PTPRD: variants seen among roughly 807,000 people sequenced by gnomAD.
The protein encoded by PTPRD is protein tyrosine phosphatase receptor type D, also known as receptor-type tyrosine-protein phosphatase delta.
PTPRD carries 34 observed loss-of-function variants against 214.5 expected under a neutral mutation model. That is an observed-to-expected ratio of 0.16 (90% CI 0.12 to 0.21). The LOEUF is 0.21. Among genes scored for constraint, PTPRD ranks in the 10% least tolerant of loss-of-function variants. The pLI is 1.00. For synonymous variants in PTPRD, 1,128 were observed against 845.7 expected (o/e 1.33, Z -5.79); for missense variants, 2,545 against 2,398.7 (o/e 1.06, Z -1.27).
intron 7 of PTPRD, among the ~76,000 whole-genome samples, chr9:9,637,285 T>C (rs1314097419): frequency 6.6e-6 from 1 of 152,168 alleles, no homozygotes; most frequent in African/African-American, 2.4e-5. Context: ...AGTCCAGAGT[T>C]TCATTTAAAT....
chr9:8,480,819 A>G (rs1486907230), intron 30 of PTPRD, among the ~76,000 whole-genome samples: 1 of 151,832 alleles, frequency 6.6e-6, no homozygotes, highest in African/African-American at 2.4e-5. Context: ...TTACACAAAT[A>G]CTCCATTCTC....
intron 3 of PTPRD, among the ~76,000 whole-genome samples, chr9:10,325,214 C>T (rs930242431): frequency 4.0e-5 from 6 of 151,896 alleles, no homozygotes; most frequent in African/African-American, 1.4e-4. Flanking sequence ...TGAGGTGGGC[C>T]TAAGACTCTG....
At chr9:8,989,256 A>G (rs1227081753) in intron 11 of PTPRD, among the ~76,000 whole-genome samples, 3 of 151,970 alleles carry the variant, frequency 2.0e-5, no homozygotes, top group Non-Finnish European at 4.4e-5. Flanking sequence ...GAAATATACA[A>G]CACACTACTT....
chr9:9,709,571 A>G (rs1242797607), intron 7 of PTPRD, among the ~76,000 whole-genome samples: 1 of 152,060 alleles, frequency 6.6e-6, no homozygotes, highest in African/African-American at 2.4e-5. Flanking sequence ...TAAGCAATCT[A>G]TCTTAATACA....
chr9:8,761,723 C>T lies in PTPRD; in HGVS notation c.-103-27777G>A, dbSNP rs1043696927. Among the ~76,000 whole-genome samples, 8 of 151,380 alleles carry T rather than the reference C, an allele frequency of 5.3e-5. No homozygotes were observed. The South Asian group carries it at 8.3e-4, about 16-fold the overall frequency. On this transcript the variant is annotated intron_variant, in intron 11 of 45. Coordinates refer to ENST00000381196, the MANE Select transcript of PTPRD (RefSeq NM_002839.4). ...TGTTAATAATAACCATGGTCAAGGA[C>T]GAGAAATGAAAAGATGTAGGGTCTA...
chr9:8,820,149 G>A (rs2097020979), intron 11 of PTPRD, among the ~76,000 whole-genome samples: 1 of 152,016 alleles, frequency 6.6e-6, no homozygotes. Flanking sequence ...ATACATATAT[G>A]TTTATATTCT....
At chr9:10,132,486 T>A (rs2098901075) in intron 3 of PTPRD, among the ~76,000 whole-genome samples, 1 of 151,798 alleles carries the variant, frequency 6.6e-6, no homozygotes, top group South Asian at 2.1e-4. Context: ...TATACTGAAA[T>A]GGGAACAAAT....
intron 11 of PTPRD, among the ~76,000 whole-genome samples, chr9:8,944,412 A>T (rs1409135749): frequency 1.3e-5 from 2 of 152,246 alleles, no homozygotes; most frequent in East Asian, 3.9e-4. Context: ...TATATACTCC[A>T]AAGAAAGGAA....
At chr9:10,248,104 G>C (rs2092369121) in intron 3 of PTPRD, among the ~76,000 whole-genome samples, 1 of 152,108 alleles carries the variant, frequency 6.6e-6, no homozygotes, top group African/African-American at 2.4e-5. Context: ...GACCTCCCCA[G>C]CCATGTGGAA....
chr9:9,073,232 T>G (rs1307087970), intron 10 of PTPRD, among the ~76,000 whole-genome samples: 1 of 152,190 alleles, frequency 6.6e-6, no homozygotes, highest in East Asian at 1.9e-4. Flanking sequence ...ACAAGCACTG[T>G]GCAAGGCATT....
intron 2 of PTPRD, among the ~76,000 whole-genome samples, chr9:10,449,153 C>A (rs1365059652): frequency 6.6e-6 from 1 of 151,938 alleles, no homozygotes; most frequent in African/African-American, 2.4e-5. Flanking sequence ...GATTCTCCTG[C>A]CTCAGCCTGC....
At chr9:9,159,927 A>G (rs1318797948) in intron 10 of PTPRD, among the ~76,000 whole-genome samples, 4 of 152,214 alleles carry the variant, frequency 2.6e-5, no homozygotes, top group African/African-American at 9.6e-5. Context: ...GATTTTTGAC[A>G]AAGGTGCCAA....
intron 3 of PTPRD, among the ~76,000 whole-genome samples, chr9:10,072,280 T>C (rs1486143304): frequency 1.3e-5 from 2 of 152,090 alleles, no homozygotes; most frequent in Non-Finnish European, 2.9e-5. Context: ...CATCACTACA[T>C]ATCTAGCAGA....
chr9:10,137,928 A>G (rs1425439073), intron 3 of PTPRD, among the ~76,000 whole-genome samples: 1 of 152,064 alleles, frequency 6.6e-6, no homozygotes, highest in South Asian at 2.1e-4. Context: ...AAACACCTAC[A>G]TCAAGAACTT....
rs568553106 is a variant in PTPRD at position 9,401,379 on chromosome 9, C to G, written c.-236-3897G>C. On this transcript the variant is annotated intron_variant, in intron 8 of 45. Transcript: ENST00000381196. ...AGATTTCTCTGTCCTTTGGCATTTCCTTTTTCTCATACCAAAACTCCAGTC... is the reference window on the plus strand; with the variant it reads ...AGATTTCTCTGTCCTTTGGCATTTCGTTTTTCTCATACCAAAACTCCAGTC... Among the ~76,000 whole-genome samples the G allele has an allele frequency of 2.6e-5, 4 of 152,008 alleles. No individual in the cohort carries two copies. The East Asian group carries it at 7.8e-4, about 30-fold the overall frequency.
At chr9:8,330,192 T>G (rs535890018) in intron 44 of PTPRD, among the ~76,000 whole-genome samples, 1 of 152,168 alleles carries the variant, frequency 6.6e-6, no homozygotes, top group South Asian at 2.1e-4. Flanking sequence ...TAGCTCACCC[T>G]TTGTGGGCTG....
intron 12 of PTPRD, among the ~76,000 whole-genome samples, chr9:8,708,155 C>G (rs2098247903): frequency 6.6e-6 from 1 of 152,122 alleles, no homozygotes; most frequent in Non-Finnish European, 1.5e-5. Flanking sequence ...CTTTGTTCAG[C>G]CAACCAGTTA....
intron 4 of PTPRD, among the ~76,000 whole-genome samples, chr9:9,946,519 T>G (rs1179178285): frequency 1.3e-5 from 2 of 152,138 alleles, no homozygotes; most frequent in Admixed American, 6.6e-5. Context: ...TAGTCCCCAG[T>G]AGGGATCCAC....
intron 17 of PTPRD, among the ~76,000 whole-genome samples, chr9:8,526,194 C>G (rs1592778970): frequency 7.1e-6 from 1 of 140,314 alleles, no homozygotes; most frequent in East Asian, 2.1e-4. Context: ...GGCTTTGGTC[C>G]AGAACAAGAA....
Sources: gnomAD v4.1 joint callset for allele counts (sites outside exome capture counted in the v4.1 genomes callset) on GRCh38, gnomAD v4.1.1 for gene constraint, MANE v1.5 for transcripts, NCBI Gene and HGNC (gene_info 2026-07-23, HGNC 2026-07-21) for gene names.